Variants in CSMD3 observed in about 807,000 individuals in gnomAD.
CSMD3 encodes the protein CUB and sushi domain-containing protein 3.
A neutral mutation model predicts 435.2 loss-of-function variants in CSMD3; 177 were observed. The observed-to-expected ratio is 0.41, with a 90% CI of 0.36 to 0.46. The LOEUF is 0.46. Among genes scored for constraint, CSMD3 ranks in the 20% least tolerant of loss-of-function variants. CSMD3 has a pLI of 0.34. For missense variants in CSMD3, 4,265 were observed against 4,504.6 expected (o/e 0.95, Z 1.52); for synonymous variants, 1,656 against 1,520.5 (o/e 1.09, Z -2.07).
chr8:113,122,086 T>G (rs1250868133), intron 4 of CSMD3, among the ~76,000 whole-genome samples: 3 of 152,122 alleles, frequency 2.0e-5, no homozygotes, highest in Non-Finnish European at 4.4e-5. Context: ...ATACCAATTG[T>G]GTGGTTTCTT....
At chr8:112,961,943 CTT>C (rs2084247105) in intron 7 of CSMD3, among the ~76,000 whole-genome samples, 1 of 151,850 alleles carries the variant, frequency 6.6e-6, no homozygotes, top group Non-Finnish European at 1.5e-5. Flanking sequence ...TTTATATTCT[CTT>C]TAGGGATTCT....
chr8:112,364,188 C>A (rs2131136726), intron 38 of CSMD3, among the ~76,000 whole-genome samples: 1 of 152,036 alleles, frequency 6.6e-6, no homozygotes, highest in South Asian at 2.1e-4. Context: ...CAAATGGATA[C>A]ATTTCTGGGC....
At chr8:112,880,243 T>A (rs992092518) in intron 10 of CSMD3, among the ~76,000 whole-genome samples, 4 of 152,118 alleles carry the variant, frequency 2.6e-5, no homozygotes, top group Non-Finnish European at 5.9e-5. Flanking sequence ...TGAATATTGA[T>A]GATCTGTTAC....
At chr8:112,689,836 T>C (rs2076093096) in intron 14 of CSMD3, 32 bp downstream of exon 14, 3 of 1,584,236 alleles carry the variant, frequency 1.9e-6, no homozygotes, top group South Asian at 2.2e-5. Flanking sequence ...GGGTAACATA[T>C]GCTATCTGGA....
At chr8:112,701,576 G>T (rs1587008835) in intron 13 of CSMD3, among the ~76,000 whole-genome samples, 1 of 152,260 alleles carries the variant, frequency 6.6e-6, no homozygotes, top group East Asian at 1.9e-4. Context: ...ACTGTTGAAA[G>T]GGAAAGGATG....
intron 12 of CSMD3, among the ~76,000 whole-genome samples, chr8:112,807,530 AGGTAGGTAG>A (rs2079120888): frequency 1.3e-5 from 2 of 150,462 alleles, no homozygotes; most frequent in African/African-American, 5.0e-5. Context: ...GTAGGTAGGT[AGGTAGGTAG>A]GAAATACATG....
At chr8:113,349,119 T>G (rs573197526) in intron 1 of CSMD3, among the ~76,000 whole-genome samples, 1 of 152,124 alleles carries the variant, frequency 6.6e-6, no homozygotes, top group Non-Finnish European at 1.5e-5. Flanking sequence ...AGCTAAAAAC[T>G]GTTGTCTGTG....
At chr8:113,416,858 G>A (rs1401195674) in intron 1 of CSMD3, among the ~76,000 whole-genome samples, 1 of 152,014 alleles carries the variant, frequency 6.6e-6, no homozygotes, top group Non-Finnish European at 1.5e-5. Flanking sequence ...AGCAATCTTT[G>A]ATTCAAGAGT....
intron 2 of CSMD3, among the ~76,000 whole-genome samples, chr8:113,298,765 A>G (rs2093740945): frequency 6.6e-6 from 1 of 152,112 alleles, no homozygotes; most frequent in Admixed American, 6.5e-5. Context: ...AAACTCACAA[A>G]GCAGAGTTCA....
chr8:112,888,249 T>C (rs1421807545), intron 10 of CSMD3, among the ~76,000 whole-genome samples: 1 of 151,604 alleles, frequency 6.6e-6, no homozygotes, highest in Non-Finnish European at 1.5e-5. Flanking sequence ...CTGTAGGTCA[T>C]TCTCTAGGGA....
intron 13 of CSMD3, among the ~76,000 whole-genome samples, chr8:112,699,498 A>G (rs535895276): frequency 2.0e-5 from 3 of 152,344 alleles, no homozygotes; most frequent in South Asian, 4.1e-4. Flanking sequence ...TCTGGCAACC[A>G]TCACAGTGGT....
chr8:113,353,225 C>T (rs1430880865), intron 1 of CSMD3, among the ~76,000 whole-genome samples: 7 of 152,138 alleles, frequency 4.6e-5, no homozygotes, highest in African/African-American at 1.2e-4. Context: ...GTAGAAAAAG[C>T]GAGTAACTTG....
chr8:112,358,257 C>A (rs1277521167), intron 38 of CSMD3, among the ~76,000 whole-genome samples: 1 of 152,174 alleles, frequency 6.6e-6, no homozygotes, highest in African/African-American at 2.4e-5. Context: ...CCCACTGTAT[C>A]TCGGAAGTAA....
intron 3 of CSMD3, among the ~76,000 whole-genome samples, chr8:113,185,149 C>T (rs1282859652): frequency 6.6e-6 from 1 of 151,976 alleles, no homozygotes; most frequent in African/African-American, 2.4e-5. Flanking sequence ...TCAAATTTTG[C>T]CAGATTGTAA....
chr8:112,348,581 T>C (rs1227747998), intron 40 of CSMD3, among the ~76,000 whole-genome samples: 2 of 151,260 alleles, frequency 1.3e-5, no homozygotes, highest in East Asian at 3.9e-4. Flanking sequence ...ATTTATAAAA[T>C]ACAAAAAAAA....
At chr8:112,964,337 TATTA>T (rs1393041105) in intron 7 of CSMD3, among the ~76,000 whole-genome samples, 1 of 151,910 alleles carries the variant, frequency 6.6e-6, no homozygotes, top group Non-Finnish European at 1.5e-5. Flanking sequence ...TATCCTAATT[TATTA>T]ATTTTGATAT....
At chr8:113,393,701 C>G (rs1481727178) in intron 1 of CSMD3, among the ~76,000 whole-genome samples, 1 of 152,048 alleles carries the variant, frequency 6.6e-6, no homozygotes, top group Non-Finnish European at 1.5e-5. Context: ...AGCATGCATA[C>G]ATTATAACAG....
chr8:112,719,676 T>C (rs2076814986), intron 13 of CSMD3, among the ~76,000 whole-genome samples: 1 of 151,904 alleles, frequency 6.6e-6, no homozygotes. Flanking sequence ...ACATATGAAT[T>C]TTAGGGGGGA....
At chr8:112,452,069 C>T (rs1330928279) in intron 32 of CSMD3, among the ~76,000 whole-genome samples, 1 of 152,154 alleles carries the variant, frequency 6.6e-6, no homozygotes, top group Non-Finnish European at 1.5e-5. Context: ...CCAGACCATA[C>T]TGCCATAAAG....
Sources: gnomAD v4.1 joint callset for allele counts (sites outside exome capture counted in the v4.1 genomes callset) on GRCh38, gnomAD v4.1.1 for gene constraint, MANE v1.5 for transcripts, NCBI Gene and HGNC (gene_info 2026-07-23, HGNC 2026-07-21) for gene names.